The following SGCZ variants were observed in gnomAD, a reference collection of about 807,000 sequenced individuals.
The protein encoded by SGCZ is zeta-sarcoglycan.
Under a neutral mutation model 41.3 loss-of-function variants are expected in SGCZ, and 40 were observed. The observed-to-expected ratio is 0.97, with a 90% CI of 0.75 to 1.26. The LOEUF is 1.26. Ranked by LOEUF, SGCZ falls within the 50% of genes most tolerant of loss-of-function variation. The pLI, the probability that SGCZ is intolerant of heterozygous loss-of-function variation, is 0.00. For missense variants in SGCZ, 552 were observed against 369.8 expected, an observed-to-expected ratio of 1.49 and a Z score of -4.04; for synonymous variants, 206 against 137.5, an observed-to-expected ratio of 1.50 and a Z score of -3.49.
At chr8:15,041,141 AAT>A (rs1310085681) in intron 1 of SGCZ, among the ~76,000 whole-genome samples, 3 of 151,860 alleles carry the variant, frequency 2.0e-5, no homozygotes, top group Admixed American at 6.6e-5. Flanking sequence ...CCTTATAAAT[AAT>A]AGTCATTTAT....
intron 5 of SGCZ, among the ~76,000 whole-genome samples, chr8:14,134,106 C>T (rs1280717624): frequency 3.3e-5 from 5 of 152,056 alleles, no homozygotes; most frequent in African/African-American, 4.8e-5. Context: ...TTATGTTATA[C>T]GAGCATAACA....
At chr8:14,303,420 G>T (rs1437709097) in intron 3 of SGCZ, among the ~76,000 whole-genome samples, 1 of 151,960 alleles carries the variant, frequency 6.6e-6, no homozygotes, top group Non-Finnish European at 1.5e-5. Context: ...AAAGGACATG[G>T]ATATCTTTAA....
rs145806056 is a variant in SGCZ, at chr8:15,157,247, G to A, written c.39+80338C>T. 5.5e-3 allele frequency among the ~76,000 whole-genome samples: 836 copies of A among 151,336 alleles called. 4 individuals are homozygous for A. Among genetic ancestry groups the A allele is most frequent in the African/African-American group, 0.019 (776 of 41,272 alleles). On this transcript the variant is annotated intron_variant, in intron 1 of 7. Transcript: ENST00000382080. ...ATGATATTTTTCTCATAAAAGTAGCGCATGGCTAGGCAGGGTGGCTCATGC... is the reference window on the plus strand; with the variant it reads ...ATGATATTTTTCTCATAAAAGTAGCACATGGCTAGGCAGGGTGGCTCATGC...
chr8:14,566,892 C>G (rs7014919), intron 1 of SGCZ, among the ~76,000 whole-genome samples: 142,332 of 152,194 alleles, frequency 0.94, 66,617 homozygotes, highest in Non-Finnish European at 0.95. Context: ...AGGTGGGCGG[C>G]TGTGGGCTCG....
chr8:14,422,862 C>T (rs1010058081), intron 2 of SGCZ, among the ~76,000 whole-genome samples: 7 of 151,942 alleles, frequency 4.6e-5, no homozygotes, highest in Non-Finnish European at 8.8e-5. Context: ...CCTCGTCTTT[C>T]TGAAAAATTT....
At position 14,324,461 on chromosome 8, in the gene SGCZ, C is replaced by T. The variant is rs116669876; in HGVS notation, c.235-257G>A. On this transcript the variant is annotated intron_variant, in intron 2 of 7. Transcript: ENST00000382080. ...TCTACCAGGGACTAGGATTTGCCCA[C>T]GAATAAATCCTTTACTTTCTTCATG... Among the ~76,000 whole-genome samples the T allele has an allele frequency of 6.5e-3, 989 of 152,174 alleles. 12 individuals are homozygous for T. The highest frequency in any genetic ancestry group is 0.022 in the African/African-American group (914 of 41,560).
At position 14,590,562 on chromosome 8, in the gene SGCZ, C is replaced by T. The variant is rs183870210; in HGVS notation, c.40-35636G>A. ...ATTATTTCTTCTTTCTATATTATTG[C>T]TTATAATTCAAATAGTGGACTAGAG... On this transcript the variant is annotated intron_variant, in intron 1 of 7. Transcript: ENST00000382080. Among the ~76,000 whole-genome samples, 1,268 of 150,304 alleles carry T rather than the reference C, an allele frequency of 8.4e-3. 13 individuals are homozygous for T. Among genetic ancestry groups the T allele is most frequent in the African/African-American group, 0.029 (1,208 of 41,268 alleles).
At chr8:14,570,186 G>T (rs1585089034) in intron 1 of SGCZ, among the ~76,000 whole-genome samples, 1 of 152,232 alleles carries the variant, frequency 6.6e-6, no homozygotes, top group East Asian at 1.9e-4. Flanking sequence ...AAGCAGAGCA[G>T]GTAGGTGCTC....
At chr8:14,729,144 C>A (rs566219680) in intron 1 of SGCZ, among the ~76,000 whole-genome samples, 9 of 152,222 alleles carry the variant, frequency 5.9e-5, no homozygotes, top group Non-Finnish European at 1.3e-4. Flanking sequence ...ATATGTCGAG[C>A]TGCTTGAATA....
At chr8:14,575,147 A>G (rs895606938) in intron 1 of SGCZ, among the ~76,000 whole-genome samples, 2 of 152,244 alleles carry the variant, frequency 1.3e-5, no homozygotes, top group African/African-American at 4.8e-5. Flanking sequence ...AAGACTGGAG[A>G]ATAAATAATT....
At chr8:14,769,092 G>T (rs957821829) in intron 1 of SGCZ, among the ~76,000 whole-genome samples, 1 of 151,820 alleles carries the variant, frequency 6.6e-6, no homozygotes, top group Non-Finnish European at 1.5e-5. Flanking sequence ...AGAAAATAAT[G>T]AAAATAAATC....
intron 1 of SGCZ, among the ~76,000 whole-genome samples, chr8:15,124,946 T>A (rs1807625462): frequency 6.6e-6 from 1 of 152,090 alleles, no homozygotes; most frequent in Non-Finnish European, 1.5e-5. Context: ...TGGCTATGAA[T>A]TATGAAAAAA....
intron 1 of SGCZ, among the ~76,000 whole-genome samples, chr8:15,053,419 G>C (rs1188545721): frequency 6.6e-6 from 1 of 152,006 alleles, no homozygotes; most frequent in Non-Finnish European, 1.5e-5. Context: ...ATGAGTACTT[G>C]CTTGCATGGT....
At chr8:14,181,829 T>A (rs546258395) in intron 4 of SGCZ, among the ~76,000 whole-genome samples, 3 of 152,278 alleles carry the variant, frequency 2.0e-5, no homozygotes, top group Admixed American at 6.5e-5. Context: ...CAGCCTTGGG[T>A]ATGTCTTTCT....
At chr8:14,953,205 G>T (rs1800694920) in intron 1 of SGCZ, among the ~76,000 whole-genome samples, 1 of 152,052 alleles carries the variant, frequency 6.6e-6, no homozygotes, top group African/African-American at 2.4e-5. Context: ...AGCATGGCTG[G>T]GTGACCTCAA....
chr8:14,567,435 C>T (rs1424703712), intron 1 of SGCZ, among the ~76,000 whole-genome samples: 6 of 152,180 alleles, frequency 3.9e-5, no homozygotes, highest in Admixed American at 3.9e-4. Flanking sequence ...CTAGTGGGGA[C>T]ATGGAGAACT....
chr8:15,061,143 A>G (rs1175037131), intron 1 of SGCZ, among the ~76,000 whole-genome samples: 2 of 152,164 alleles, frequency 1.3e-5, no homozygotes, highest in African/African-American at 2.4e-5. Context: ...GTATCCCCCC[A>G]AACTCATGTG....
intron 2 of SGCZ, among the ~76,000 whole-genome samples, chr8:14,388,838 A>G (rs1804662914): frequency 1.6e-5 from 2 of 128,220 alleles, no homozygotes; most frequent in South Asian, 4.3e-4. Flanking sequence ...TTAATAAAAA[A>G]GAAAAAAAAA....
chr8:14,268,440 T>A (rs1224705992), intron 3 of SGCZ, among the ~76,000 whole-genome samples: 2 of 151,584 alleles, frequency 1.3e-5, no homozygotes, highest in Admixed American at 6.6e-5. Flanking sequence ...AGTAAAAATC[T>A]GTCTCACTGG....
Sources: gnomAD v4.1 joint callset for allele counts (sites outside exome capture counted in the v4.1 genomes callset) on GRCh38, gnomAD v4.1.1 for gene constraint, MANE v1.5 for transcripts, NCBI Gene and HGNC (gene_info 2026-07-23, HGNC 2026-07-21) for gene names.